Variants in AFF4 observed in about 807,000 individuals in gnomAD.
AFF4 encodes AF4/FMR2 family member 4.
Under a neutral mutation model 124.8 loss-of-function variants are expected in AFF4, and 13 were observed. That is an observed-to-expected ratio of 0.10 (90% CI 0.07 to 0.17). The LOEUF (loss-of-function observed/expected upper bound fraction) is 0.17, where lower values mean the gene tolerates loss of function less well. AFF4 is among the 10% of genes least tolerant of loss of function. AFF4 has a pLI of 1.00. For missense variants in AFF4, 1,092 were observed against 1,403.8 expected, an observed-to-expected ratio of 0.78 and a Z score of 3.55; for synonymous variants, 477 against 496.1, an observed-to-expected ratio of 0.96 and a Z score of 0.51.
In AFF4 at chr5:132,950,542, G is replaced by A. The variant is rs1403227589; in HGVS notation, c.-5+12717C>T. The stretch of plus-strand genomic sequence containing the variant: ...TGGGCGCCTGTAATCCTAGCTACTC[G>A]GGAGGCTGAGGTAGGACAATCGCTT... On this transcript the variant is annotated intron_variant, in intron 1 of 20. Transcript: ENST00000265343. Among the ~76,000 whole-genome samples the A allele has an allele frequency of 3.9e-5, 6 of 152,170 alleles. No individual in the cohort carries two copies. The East Asian group carries it at 1.2e-3, about 29-fold the overall frequency.
chr5:132,893,898 A>C (rs1301456043), intron 11 of AFF4, among the ~76,000 whole-genome samples: 1 of 152,202 alleles, frequency 6.6e-6, no homozygotes, highest in East Asian at 1.9e-4. Context: ...AGATTTGCCT[A>C]TTCTAGACAT....
chr5:132,903,625 T>C (rs1022969845), intron 6 of AFF4, among the ~76,000 whole-genome samples: 9 of 152,154 alleles, frequency 5.9e-5, no homozygotes, highest in Middle Eastern at 3.4e-3. Flanking sequence ...AAGGTGAGGG[T>C]ATAGCAGGCA....
chr5:132,920,518 C>T (rs1411645727), intron 5 of AFF4, among the ~76,000 whole-genome samples: 2 of 151,896 alleles, frequency 1.3e-5, no homozygotes, highest in Admixed American at 6.6e-5. Flanking sequence ...CCACGCCTGG[C>T]TAATATTTAC....
chr5:132,942,528 C>A (rs566661792), intron 1 of AFF4, among the ~76,000 whole-genome samples: 1 of 150,662 alleles, frequency 6.6e-6, no homozygotes, highest in Admixed American at 6.6e-5. Context: ...GCAATGGCAC[C>A]ATCTCGGCTC....
chr5:132,946,848 T>C (rs1761708599), intron 1 of AFF4, among the ~76,000 whole-genome samples: 1 of 151,532 alleles, frequency 6.6e-6, no homozygotes, highest in South Asian at 2.1e-4. Flanking sequence ...TGTGTATTCC[T>C]AGGAATTAAA....
chr5:132,952,387 TACTTG>T (rs1561512897), intron 1 of AFF4, among the ~76,000 whole-genome samples: 1 of 152,238 alleles, frequency 6.6e-6, no homozygotes, highest in Non-Finnish European at 1.5e-5. Flanking sequence ...TTTATCATTT[TACTTG>T]ACTTACCATT....
chr5:132,893,326 C>T (rs1760308775), intron 11 of AFF4, among the ~76,000 whole-genome samples: 4 of 152,092 alleles, frequency 2.6e-5, no homozygotes, highest in Non-Finnish European at 4.4e-5. Flanking sequence ...GAGACTGAAA[C>T]GCATTTCCTA....
chr5:132,916,550 A>G (rs1008556156), intron 5 of AFF4, among the ~76,000 whole-genome samples: 4 of 152,172 alleles, frequency 2.6e-5, no homozygotes, highest in Non-Finnish European at 5.9e-5. Context: ...ATTCTTTGAC[A>G]AATCAATGAT....
At chr5:132,960,364 A>ACTTCTGGGTCATTGTCC (rs1239972168) in intron 1 of AFF4, among the ~76,000 whole-genome samples, 1 of 152,204 alleles carries the variant, frequency 6.6e-6, no homozygotes, top group Non-Finnish European at 1.5e-5. Context: ...TACATGCTGT[A>ACTTCTGGGTCATTGTCC]CTTCTGGGTC....
At chr5:132,888,201 T>G (rs1278864308) in intron 14 of AFF4, 41 bp from the exon 15 acceptor site, 2 of 1,473,592 alleles carry the variant, frequency 1.4e-6, no homozygotes, top group Non-Finnish European at 1.9e-6. Flanking sequence ...TAGTAAATAT[T>G]TTCATAATAC....
chr5:132,917,157 G>T (rs2150086099), intron 5 of AFF4, among the ~76,000 whole-genome samples: 1 of 152,262 alleles, frequency 6.6e-6, no homozygotes, highest in South Asian at 2.1e-4. Flanking sequence ...GACCTCAGGT[G>T]ATCCGCCTGC....
chr5:132,934,598 T>C lies in AFF4; in HGVS notation c.467A>G (p.Tyr156Cys), dbSNP rs1337873803. 99 of 1,614,054 alleles carry C rather than the reference T, an allele frequency of 6.1e-5. No homozygotes were observed. The highest frequency in any genetic ancestry group is 8.0e-5 in the Non-Finnish European group (94 of 1,180,038). ...CCGGCTACTGCTCCCACTATTGTTA[T>C]ATGACTCACGGTCGTGCCTCTGACC... ...SSGQRHDRES[Y>C]NNSGSSSRKK... Residue 156 changes from tyrosine (Y) to cysteine (C), a missense_variant, in exon 3 of 21, where the codon TAT becomes TGT. Transcript: ENST00000265343.
At chr5:132,950,636 G>A (rs936013457) in intron 1 of AFF4, among the ~76,000 whole-genome samples, 1 of 151,652 alleles carries the variant, frequency 6.6e-6, no homozygotes, top group Non-Finnish European at 1.5e-5. Flanking sequence ...GCGACGGTGC[G>A]AGACTCCATG....
At chr5:132,941,761 A>C (rs1581326095) in intron 1 of AFF4, among the ~76,000 whole-genome samples, 1 of 152,174 alleles carries the variant, frequency 6.6e-6, no homozygotes, top group East Asian at 1.9e-4. Flanking sequence ...CAATCCCAGC[A>C]CTTTAGGAGG....
At chr5:132,916,183 G>C (rs967383199) in intron 5 of AFF4, among the ~76,000 whole-genome samples, 1 of 132,608 alleles carries the variant, frequency 7.5e-6, no homozygotes, top group Non-Finnish European at 1.5e-5. Flanking sequence ...AGGTTGCAAT[G>C]AGCTGATATC....
chr5:132,897,795 TAATTACA>T (rs1760446992), intron 10 of AFF4, among the ~76,000 whole-genome samples: 1 of 152,138 alleles, frequency 6.6e-6, no homozygotes, highest in South Asian at 2.1e-4. Flanking sequence ...TTCAAAGGCA[TAATTACA>T]AATTACCGTA....
chr5:132,903,708 C>A (rs2150077601), intron 6 of AFF4, among the ~76,000 whole-genome samples: 1 of 152,212 alleles, frequency 6.6e-6, no homozygotes, highest in East Asian at 1.9e-4. Context: ...AAGAAAAGGG[C>A]CATGGTCAGC....
rs1760397242 is a variant in AFF4 at position 132,896,387 on chromosome 5, T to A, written c.2243A>T (p.His748Leu). ...KGEKKNVPEKHTREAQKQASE... is the reference protein window; with the variant it reads ...KGEKKNVPEKLTREAQKQASE... ...GGCTTGTTTCTGAGCCTCTCTCGTG[T>A]GCTTTTCTGGCACATTTTTCTTTTC... The change falls in exon 11 of 21, where the codon CAC becomes CTC. Residue 748 changes from histidine (H) to leucine (L), a missense_variant. Physicochemically the swap from His to Leu is moderately conservative, Grantham distance 99. Coordinates refer to ENST00000265343, the MANE Select transcript of AFF4 (RefSeq NM_014423.4). 1 of 1,613,680 alleles carries A rather than the reference T, an allele frequency of 6.2e-7. No homozygotes were observed. The highest frequency in any genetic ancestry group is 8.5e-7 in the Non-Finnish European group (1 of 1,179,936).
At chr5:132,881,218 T>C (rs763645175) in intron 20 of AFF4, 32 bp from the exon 21 acceptor site, 18 of 1,605,768 alleles carry the variant, frequency 1.1e-5, no homozygotes, top group Non-Finnish European at 1.4e-5. Flanking sequence ...TTAAATGATA[T>C]ATACTCTTTT....
Sources: allele counts gnomAD v4.1 joint callset (sites outside exome capture counted in the v4.1 genomes callset), GRCh38; gene constraint gnomAD v4.1.1; transcripts MANE v1.5; gene names NCBI Gene and HGNC (gene_info 2026-07-23, HGNC 2026-07-21).